Variants in TMEM130 observed in about 807,000 individuals in gnomAD.
TMEM130 encodes the protein transmembrane protein 130.
TMEM130 carries 37 observed loss-of-function variants against 42.9 expected under a neutral mutation model. That is an observed-to-expected ratio of 0.86 (90% CI 0.66 to 1.13). The LOEUF (loss-of-function observed/expected upper bound fraction) is 1.13. Ranked by LOEUF, TMEM130 falls within the 50% of genes most tolerant of loss-of-function variation. The pLI is 0.00. For missense variants in TMEM130, 545 were observed against 562.6 expected, an observed-to-expected ratio of 0.97 and a Z score of 0.32; for synonymous variants, 259 against 237.7, an observed-to-expected ratio of 1.09 and a Z score of -0.82.
chr7:98,857,277 G>T (rs1337129312), intron 3 of TMEM130, among the ~76,000 whole-genome samples: 1 of 152,104 alleles, frequency 6.6e-6, no homozygotes, highest in Non-Finnish European at 1.5e-5. Flanking sequence ...AATATCGATG[G>T]ACCCTGATAA....
chr7:98,862,805 T>C (rs932680237), intron 2 of TMEM130, among the ~76,000 whole-genome samples: 24 of 152,176 alleles, frequency 1.6e-4, no homozygotes, highest in African/African-American at 5.5e-4. Context: ...CAGCTGAGAC[T>C]ACAATAATTT....
chr7:98,855,389 A>G, intron 4 of TMEM130, 65 bp from the exon 5 acceptor site: 1 of 1,481,904 alleles, frequency 6.7e-7, no homozygotes, highest in Non-Finnish European at 9.2e-7. Flanking sequence ...CTCCCAGGGC[A>G]CAGGGTGGTG....
chr7:98,863,967 G>A (rs990729670), intron 1 of TMEM130, among the ~76,000 whole-genome samples: 1 of 149,486 alleles, frequency 6.7e-6, no homozygotes, highest in African/African-American at 2.5e-5. Flanking sequence ...ATCACAGTTC[G>A]CTGCAGCCTC....
At chr7:98,857,685 G>C (rs946306945) in intron 3 of TMEM130, among the ~76,000 whole-genome samples, 1 of 146,604 alleles carries the variant, frequency 6.8e-6, no homozygotes, top group Admixed American at 6.8e-5. Flanking sequence ...GGGCAACAGA[G>C]CGAGACCCTG....
In TMEM130 at chr7:98,863,006, T is replaced by C. The variant is rs73407182; in HGVS notation, c.391+89A>G. 10 of 1,405,138 alleles carry C rather than the reference T, an allele frequency of 7.1e-6. No homozygotes were observed. The African/African-American group carries it at 8.1e-5, about 11-fold the overall frequency. 87.0% of individuals were successfully genotyped at this position (1,405,138 alleles called of 1,614,324 possible). A position where few individuals can be genotyped will look rare whatever the true frequency, so the allele number is the denominator to read the frequency against. ...AATCCCCCAGAACCTACGGGCCTAA[T>C]CTGCATTGATCTGATTCCTAGCGAA... On this transcript the variant is annotated intron_variant, in intron 2 of 7. Coordinates refer to ENST00000339375, the MANE Select transcript of TMEM130 (RefSeq NM_152913.3).
In TMEM130 at chr7:98,856,303, C is replaced by T. The variant is rs549820226; in HGVS notation, c.552-120G>A. The T allele has an allele frequency of 3.7e-5, 36 of 969,274 alleles. 1 individual carries two copies. In the Middle Eastern group the frequency reaches 7.0e-4, roughly 19 times the overall value. 60.0% of individuals were successfully genotyped at this position (969,274 alleles called of 1,614,324 possible). A position where few individuals can be genotyped will look rare whatever the true frequency, so the allele number is the denominator to read the frequency against. Reference sequence around the variant, plus strand: ...AGGGGAGGCTGTACAGTGATACTCCCAGCTACCAGTGAGCACACCTGTCAT... The same window carrying T: ...AGGGGAGGCTGTACAGTGATACTCCTAGCTACCAGTGAGCACACCTGTCAT... On this transcript the variant is annotated intron_variant, in intron 3 of 7. Coordinates refer to ENST00000339375, the MANE Select transcript of TMEM130 (RefSeq NM_152913.3).
Position 98,869,697 on chromosome 7 carries a change from G to A in TMEM130, c.85+80C>T, listed in dbSNP as rs1027296867. On this transcript the variant is annotated intron_variant, in intron 1 of 7. Coordinates refer to ENST00000339375, the MANE Select transcript of TMEM130 (RefSeq NM_152913.3). This position sits in a 1 kb window ranked among gnomAD's most constrained non-coding sequence, Gnocchi z 4.7. ...TGCCACCTCCGCAATCCCTGCTCCC[G>A]GGCCCACTCGCCCGCTGAGACGGTT... 1.8e-6 allele frequency: 2 copies of A among 1,084,762 alleles called. No homozygotes were observed. The highest frequency in any genetic ancestry group is 2.5e-5 in the South Asian group (1 of 40,500). 67.2% of individuals were successfully genotyped at this position (1,084,762 alleles called of 1,614,324 possible).
intron 6 of TMEM130, among the ~76,000 whole-genome samples, chr7:98,850,265 A>ATTTTTTTTTT (rs1350696474): frequency 1.5e-4 from 3 of 20,494 alleles, no homozygotes; most frequent in East Asian, 1.2e-3. Flanking sequence ...ATATATATAT[A>ATTTTTTTTTT]TATATATATT....
intron 3 of TMEM130, among the ~76,000 whole-genome samples, chr7:98,859,785 TCA>T (rs1554399495): frequency 2.6e-5 from 4 of 151,794 alleles, no homozygotes. Flanking sequence ...GCATGGTGGC[TCA>T]CACCTGTAAT....
At chr7:98,858,324 T>A (rs929782832) in intron 3 of TMEM130, among the ~76,000 whole-genome samples, 4 of 151,936 alleles carry the variant, frequency 2.6e-5, no homozygotes, top group African/African-American at 9.7e-5. Context: ...GAGGATGGCT[T>A]GAGGCCAGGA....
At position 98,846,537 on chromosome 7, in the gene TMEM130, G is replaced by T. The variant is rs2116046551; in HGVS notation, c.*1519C>A. 1 of 152,270 alleles carries T rather than the reference G, an allele frequency of 6.6e-6. No homozygotes were observed. The highest frequency in any genetic ancestry group is 2.1e-4 in the South Asian group (1 of 4,820). 9.4% of individuals were successfully genotyped at this position (152,270 alleles called of 1,614,324 possible). On this transcript the variant is annotated 3_prime_UTR_variant, in exon 8 of 8. Transcript: ENST00000339375. ...ACACAAGCTTTATTTAGCAACAATG[G>T]CAGTATTTCATGAGAATGAGCTGCA...
Position 98,847,963 on chromosome 7 carries a change from T to A in TMEM130, c.*93A>T, listed in dbSNP as rs1331809974. ...ATCCAGGCCAACAGCCCCACGCAAA[T>A]GAACCCCTCCTGGTCAGTGGTGCAC... is the stretch of plus-strand genomic sequence containing the variant. On this transcript the variant is annotated 3_prime_UTR_variant, in exon 8 of 8. Coordinates refer to ENST00000339375, the MANE Select transcript of TMEM130 (RefSeq NM_152913.3). 7.7e-7 allele frequency: 1 copy of A among 1,290,770 alleles called. No homozygotes were observed. The highest frequency in any genetic ancestry group is 1.5e-5 in the African/African-American group (1 of 67,854). The allele number at this position is 1,290,770 out of a possible 1,614,324, so 80.0% of individuals were successfully genotyped here.
rs144945643 is a variant in TMEM130, at chr7:98,856,100, G to A, written c.635C>T (p.Ala212Val). 146 of 1,613,716 alleles carry A rather than the reference G, an allele frequency of 9.0e-5. No individual in the cohort carries two copies. The highest frequency in any genetic ancestry group is 1.1e-4 in the Non-Finnish European group (132 of 1,180,002). Residue 212 changes from alanine (A) to valine (V), a missense_variant, in exon 4 of 8, where the codon GCG becomes GTG. Coordinates refer to ENST00000339375, the MANE Select transcript of TMEM130 (RefSeq NM_152913.3). ...GTFTVKLKVV[A>V]EWEEVEPDAT... ...ATCCGGCTCCACCTCTTCCCACTCC[G>A]CCACCACTTTGAGCTTCACGGTGAA...
chr7:98,855,318 A>G lies in TMEM130; in HGVS notation c.725T>C (p.Leu242Pro), dbSNP rs782586164. ...GGGCCCCAACACTTGGATGCCTCGA[A>G]GGGTTTCTGTAAGGCAGAGAGAACC... Reference protein sequence around the residue: ...FSASLKLQETLRGIQVLGPTL... With the variant: ...FSASLKLQETPRGIQVLGPTL... Residue 242 changes from leucine (L) to proline (P), a missense_variant, in exon 5 of 8, where the codon CTT (leucine) becomes CCT (proline). Coordinates refer to ENST00000339375, the MANE Select transcript of TMEM130 (RefSeq NM_152913.3). 4 of 1,612,330 alleles carry G rather than the reference A, an allele frequency of 2.5e-6. No individual in the cohort carries two copies. The highest frequency in any genetic ancestry group is 3.4e-6 in the Non-Finnish European group (4 of 1,179,084).
intron 6 of TMEM130, among the ~76,000 whole-genome samples, chr7:98,849,683 G>C (rs782392950): frequency 1.6e-4 from 24 of 152,148 alleles, no homozygotes; most frequent in Non-Finnish European, 3.2e-4. Flanking sequence ...CAGCTGGCAG[G>C]GTTTGGCATG....
At chr7:98,862,010 C>G (rs1794780588) in intron 2 of TMEM130, among the ~76,000 whole-genome samples, 1 of 152,154 alleles carries the variant, frequency 6.6e-6, no homozygotes, top group African/African-American at 2.4e-5. Context: ...GTAAGGGTCA[C>G]TGTTAATAGT....
intron 6 of TMEM130, among the ~76,000 whole-genome samples, chr7:98,848,918 G>A (rs1220515862): frequency 6.6e-6 from 1 of 152,148 alleles, no homozygotes. Flanking sequence ...ACATCCACAA[G>A]TTACTTGGTA....
At chr7:98,852,727 T>C (rs958648284) in intron 5 of TMEM130, among the ~76,000 whole-genome samples, 1 of 152,152 alleles carries the variant, frequency 6.6e-6, no homozygotes, top group Non-Finnish European at 1.5e-5. Flanking sequence ...CCCAAGTAGC[T>C]GGGATTACAG....
At position 98,851,622 on chromosome 7, in the gene TMEM130, G is replaced by A. The variant is rs1307626922; in HGVS notation, c.805C>T (p.Pro269Ser). ...AGACGCCAGCACACAGTCAGAGGAG[G>A]GCTGCAGGGAAATGGGGGCGGTTTT... ...MTVTLNFLGS[P>S]PLTVCWRLKP... The change falls in exon 6 of 8, where the codon CCT becomes TCT. Residue 269 changes from proline to serine, a missense_variant and splice_region_variant. Transcript: ENST00000339375. 1.9e-6 allele frequency: 3 copies of A among 1,608,036 alleles called. No individual in the cohort carries two copies. The African/African-American group carries it at 4.0e-5, about 21-fold the overall frequency.
Sources: gnomAD v4.1 joint callset for allele counts (sites outside exome capture counted in the v4.1 genomes callset) on GRCh38, gnomAD v4.1.1 for gene constraint, Gnocchi (gnomAD v3.1) non-coding constraint, MANE v1.5 for transcripts, NCBI Gene and HGNC (gene_info 2026-07-23, HGNC 2026-07-21) for gene names.